The following LGSN variants were observed in gnomAD, a reference collection of about 807,000 sequenced individuals.
LGSN encodes lengsin.
Under a neutral mutation model 19.5 loss-of-function variants are expected in LGSN, and 21 were observed. The ratio of observed to expected loss-of-function variants is 1.07; its 90% CI spans 0.76 to 1.55. The LOEUF (loss-of-function observed/expected upper bound fraction) is 1.55, where lower values mean the gene tolerates loss of function less well. LGSN is among the 40% of genes most tolerant of loss of function. The probability of loss-of-function intolerance (pLI) is 0.00; values close to 1 mark genes in which losing one functional copy is unlikely to be tolerated. For missense variants in LGSN, 673 were observed against 608.5 expected (o/e 1.11, Z -1.12); for synonymous variants, 257 against 215.6 (o/e 1.19, Z -1.68).
the LGSN span, among the ~76,000 whole-genome samples, chr6:63,554,904 T>C: frequency 2.0e-5 from 3 of 152,242 alleles, no homozygotes; most frequent in African/African-American, 7.2e-5. Context: ...TGCTGGTGTA[T>C]AGTAGATTTT....
chr6:63,563,745 G>A, the LGSN span, among the ~76,000 whole-genome samples: 1 of 152,142 alleles, frequency 6.6e-6, no homozygotes, highest in African/African-American at 2.4e-5. Flanking sequence ...ATGGATGTAG[G>A]TGAAAACCCC....
the LGSN span, among the ~76,000 whole-genome samples, chr6:63,436,013 T>C: frequency 1.3e-5 from 2 of 152,118 alleles, no homozygotes; most frequent in South Asian, 4.1e-4. Flanking sequence ...CTCTTTTTTG[T>C]GTTTTTTTAA....
Position 63,276,173 on chromosome 6 carries a change from T to A in LGSN, c.*3848A>T, listed in dbSNP as rs1201785746. On this transcript the variant is annotated 3_prime_UTR_variant, in exon 4 of 4. Coordinates refer to ENST00000370657, the MANE Select transcript of LGSN (RefSeq NM_016571.3). ...CCTATATCATAAACATATTGGTGAG[T>A]GTATTTTGTCAAACAGGTGACTGGA... 1 of 152,174 alleles carries A rather than the reference T, an allele frequency of 6.6e-6. No individual in the cohort carries two copies. The highest frequency in any genetic ancestry group is 2.4e-5 in the African/African-American group (1 of 41,440). 9.4% of individuals were successfully genotyped at this position (152,174 alleles called of 1,614,324 possible).
intron 1 of LGSN, among the ~76,000 whole-genome samples, chr6:63,302,629 T>G (rs1472668233): frequency 6.6e-6 from 1 of 152,242 alleles, no homozygotes; most frequent in African/African-American, 2.4e-5. Context: ...GTACTGATGT[T>G]GTTAAAATAT....
At chr6:63,399,028 A>G in the LGSN span, among the ~76,000 whole-genome samples, 2 of 152,146 alleles carry the variant, frequency 1.3e-5, no homozygotes, top group African/African-American at 4.8e-5. Flanking sequence ...GCTGGTCTCA[A>G]ACTCCTAGGC....
At chr6:63,456,070 A>T in the LGSN span, among the ~76,000 whole-genome samples, 214 of 151,540 alleles carry the variant, frequency 1.4e-3, no homozygotes, top group African/African-American at 5.0e-3. Context: ...TCTACTAAAA[A>T]TACAAAAAAA....
the LGSN span, among the ~76,000 whole-genome samples, chr6:63,464,918 C>T: frequency 2.0e-5 from 3 of 149,692 alleles, no homozygotes; most frequent in African/African-American, 4.9e-5. Flanking sequence ...CCCAGCTACT[C>T]GAGAAACTGA....
At chr6:63,530,088 T>C in the LGSN span, among the ~76,000 whole-genome samples, 666 of 152,244 alleles carry the variant, frequency 4.4e-3, 6 homozygotes, top group Non-Finnish European at 6.8e-3. Context: ...ACAGTATAGA[T>C]TTCTGAAAAT....
At chr6:63,395,915 ACT>A in the LGSN span, 1 of 153,858 alleles carries the variant, frequency 6.5e-6, no homozygotes, top group Non-Finnish European at 1.5e-5. Context: ...AGGATTAGGG[ACT>A]CTGTGAGAGG....
chr6:63,285,162 A>G (rs1319632702), intron 3 of LGSN, among the ~76,000 whole-genome samples: 3 of 152,236 alleles, frequency 2.0e-5, no homozygotes, highest in Non-Finnish European at 2.9e-5. Flanking sequence ...TGGAGCTGAA[A>G]GGAATACATT....
At chr6:63,441,384 C>T in the LGSN span, 2 of 468,684 alleles carry the variant, frequency 4.3e-6, no homozygotes, top group South Asian at 1.9e-5. Flanking sequence ...GTCAGCTTTG[C>T]TCAGCTGAAG....
the LGSN span, among the ~76,000 whole-genome samples, chr6:63,344,809 A>C: frequency 1.3e-5 from 2 of 152,228 alleles, no homozygotes; most frequent in Non-Finnish European, 2.9e-5. Context: ...GTACAGAAAA[A>C]AATACTCATA....
the LGSN span, among the ~76,000 whole-genome samples, chr6:63,426,329 A>G: frequency 1.3e-5 from 2 of 152,196 alleles, no homozygotes; most frequent in Non-Finnish European, 2.9e-5. Context: ...GCTAAACTCC[A>G]TAAACGCAAT....
At chr6:63,293,061 A>T (rs2127387196) in intron 2 of LGSN, among the ~76,000 whole-genome samples, 1 of 152,258 alleles carries the variant, frequency 6.6e-6, no homozygotes, top group East Asian at 1.9e-4. Flanking sequence ...GCTGGAATGC[A>T]GTAGCACAAT....
At chr6:63,526,823 ATATATATATATATTTATT>A in the LGSN span, among the ~76,000 whole-genome samples, 3 of 143,454 alleles carry the variant, frequency 2.1e-5, no homozygotes, top group African/African-American at 7.8e-5. Context: ...ATATATATAT[ATATATATATATATTTATT>A]TATTTATTCT....
the LGSN span, among the ~76,000 whole-genome samples, chr6:63,359,147 A>G: frequency 4.6e-5 from 7 of 152,044 alleles, no homozygotes; most frequent in African/African-American, 1.2e-4. Context: ...ATTGATTTGC[A>G]TATGTTGAAC....
chr6:63,383,665 T>G, the LGSN span, among the ~76,000 whole-genome samples: 1 of 152,266 alleles, frequency 6.6e-6, no homozygotes, highest in East Asian at 1.9e-4. Context: ...AGTCATATAC[T>G]AGATTCAATG....
the LGSN span, among the ~76,000 whole-genome samples, chr6:63,401,294 G>A: frequency 6.6e-6 from 1 of 151,854 alleles, no homozygotes; most frequent in South Asian, 2.1e-4. Flanking sequence ...CAGCTACTTG[G>A]GAGGCTGAGG....
At chr6:63,357,038 G>A in the LGSN span, among the ~76,000 whole-genome samples, 1 of 134,858 alleles carries the variant, frequency 7.4e-6, no homozygotes, top group African/African-American at 2.8e-5. Context: ...GTGTCCATGT[G>A]TTCTCATTGT....
Sources: allele counts gnomAD v4.1 joint callset (sites outside exome capture counted in the v4.1 genomes callset), GRCh38; gene constraint gnomAD v4.1.1; transcripts MANE v1.5; gene names NCBI Gene and HGNC (gene_info 2026-07-23, HGNC 2026-07-21).